The following KCNMA1 variants were observed in gnomAD, a reference collection of about 807,000 sequenced individuals.
KCNMA1 encodes potassium calcium-activated channel subfamily M alpha 1, also known as Calcium-activated potassium channel subunit alpha-1.
KCNMA1 carries 29 observed loss-of-function variants against 140.0 expected under a neutral mutation model. The observed-to-expected ratio is 0.21, with a 90% CI of 0.15 to 0.28. The LOEUF (loss-of-function observed/expected upper bound fraction) is 0.28, where lower values mean the gene tolerates loss of function less well. Ranked by LOEUF, KCNMA1 falls within the 10% of genes least tolerant of loss-of-function variation. The probability of loss-of-function intolerance (pLI) is 1.00; values close to 1 mark genes in which losing one functional copy is unlikely to be tolerated. For synonymous variants in KCNMA1, 612 were observed against 611.9 expected (o/e 1.00, Z 0.00); for missense variants, 880 against 1,602.2 (o/e 0.55, Z 7.70).
At chr10:77,492,859 C>T (rs899573057) in intron 1 of KCNMA1, among the ~76,000 whole-genome samples, 1 of 152,174 alleles carries the variant, frequency 6.6e-6, no homozygotes, top group African/African-American at 2.4e-5. Flanking sequence ...GTATTAGTGC[C>T]TACAATGTGT....
At position 77,251,525 on chromosome 10, in the gene KCNMA1, C is replaced by G. The variant is rs146991178; in HGVS notation, c.541-269G>C. ...GGGTTTTTATCTGACCCTGTTATCT[C>G]GAAGTCCAGCTTCTCTGCAATTGTA... On this transcript the variant is annotated intron_variant, in intron 2 of 27. Transcript: ENST00000286628. Among the ~76,000 whole-genome samples, 377 of 152,172 alleles carry G rather than the reference C, an allele frequency of 2.5e-3. 3 individuals carry two copies. The highest frequency in any genetic ancestry group is 8.7e-3 in the African/African-American group (361 of 41,514).
intron 19 of KCNMA1, among the ~76,000 whole-genome samples, chr10:76,981,573 A>C (rs1190294603): frequency 6.6e-6 from 1 of 152,118 alleles, no homozygotes; most frequent in Non-Finnish European, 1.5e-5. Flanking sequence ...AGACAGAAGA[A>C]GGGGCAGAGG....
chr10:77,233,707 T>A (rs1270605346), intron 3 of KCNMA1, among the ~76,000 whole-genome samples: 1 of 152,202 alleles, frequency 6.6e-6, no homozygotes, highest in Non-Finnish European at 1.5e-5. Context: ...CTGCTGTGAT[T>A]CAAACTGCTG....
intron 5 of KCNMA1, among the ~76,000 whole-genome samples, chr10:77,175,711 GAGA>G (rs1158948828): frequency 6.6e-6 from 1 of 152,190 alleles, no homozygotes; most frequent in Admixed American, 6.5e-5. Flanking sequence ...CCTTAATGGG[GAGA>G]AGGATTACAA....
intron 5 of KCNMA1, among the ~76,000 whole-genome samples, chr10:77,175,048 G>A (rs186111200): frequency 3.3e-5 from 5 of 152,180 alleles, no homozygotes; most frequent in African/African-American, 1.2e-4. Flanking sequence ...TCCAAAACTG[G>A]AGATCACCAG....
intron 3 of KCNMA1, chr10:77,217,336 T>C: frequency 3.7e-6 from 1 of 269,498 alleles, no homozygotes; most frequent in African/African-American, 2.3e-5. Flanking sequence ...AAAAAAAAAC[T>C]AAATTTTTTT....
intron 14 of KCNMA1, among the ~76,000 whole-genome samples, chr10:77,068,176 T>C (rs979787668): frequency 1.3e-5 from 2 of 152,196 alleles, no homozygotes; most frequent in African/African-American, 2.4e-5. Flanking sequence ...ATAATAATAG[T>C]GACAAGTTTG....
At chr10:77,065,110 A>G (rs1447427503) in intron 14 of KCNMA1, among the ~76,000 whole-genome samples, 2 of 152,190 alleles carry the variant, frequency 1.3e-5, no homozygotes, top group Admixed American at 6.5e-5. Flanking sequence ...CAACCGATGC[A>G]TTCATTTACT....
intron 1 of KCNMA1, among the ~76,000 whole-genome samples, chr10:77,562,925 C>T (rs942553007): frequency 6.6e-6 from 1 of 152,218 alleles, no homozygotes; most frequent in East Asian, 1.9e-4. Context: ...TTGATGCTTA[C>T]ACACAATCTT....
intron 1 of KCNMA1, among the ~76,000 whole-genome samples, chr10:77,554,829 T>C (rs1408432300): frequency 6.6e-6 from 1 of 152,034 alleles, no homozygotes; most frequent in Non-Finnish European, 1.5e-5. Context: ...AGTCAACCAT[T>C]ACGGCCCATT....
At chr10:77,433,057 G>A (rs1046817463) in intron 1 of KCNMA1, among the ~76,000 whole-genome samples, 5 of 152,200 alleles carry the variant, frequency 3.3e-5, no homozygotes, top group Admixed American at 2.6e-4. Flanking sequence ...CAGGACTCAG[G>A]AATCAGGCAA....
chr10:77,365,373 G>A (rs1418698074), intron 2 of KCNMA1, among the ~76,000 whole-genome samples: 1 of 152,212 alleles, frequency 6.6e-6, no homozygotes, highest in South Asian at 2.1e-4. Flanking sequence ...CTTCTGAAGA[G>A]GAGGCTTTAG....
rs1238332089 is a variant in KCNMA1 at position 77,209,266 on chromosome 10, G to GA, written c.603-24351dup. Among the ~76,000 whole-genome samples, 20 of 151,642 alleles carry GA rather than the reference G, an allele frequency of 1.3e-4. No individual in the cohort carries two copies. The East Asian group carries it at 2.9e-3, about 22-fold the overall frequency. ...ACCACCCTCTACAATGTCTTCATAGGAAAAAAAATGGTCACACCTGTGACA... is the reference window on the plus strand; with the variant it reads ...ACCACCCTCTACAATGTCTTCATAGGAAAAAAAAATGGTCACACCTGTGACA... On this transcript the variant is annotated intron_variant, in intron 3 of 27. Coordinates refer to ENST00000286628, the MANE Select transcript of KCNMA1 (RefSeq NM_001161352.2).
At chr10:76,949,424 G>C (rs1197345303) in intron 21 of KCNMA1, 58 bp from the exon 22 acceptor site, 16 of 1,339,012 alleles carry the variant, frequency 1.2e-5, no homozygotes, top group Non-Finnish European at 1.6e-5. Context: ...GCTGTTGTAA[G>C]GAGTGAAATA....
intron 1 of KCNMA1, among the ~76,000 whole-genome samples, chr10:77,411,649 A>G (rs1344009243): frequency 6.6e-6 from 1 of 152,218 alleles, no homozygotes; most frequent in African/African-American, 2.4e-5. Flanking sequence ...CAAAGTGCCC[A>G]CGAAAGGTTT....
rs146102707 is a variant in KCNMA1, at chr10:77,229,745, C to CTA, written c.602+21448_602+21449dup. Among the ~76,000 whole-genome samples, 989 of 148,194 alleles carry CTA rather than the reference C, an allele frequency of 6.7e-3. 9 individuals carry two copies. The highest frequency in any genetic ancestry group is 0.018 in the African/African-American group (730 of 40,476). On this transcript the variant is annotated intron_variant, in intron 3 of 27. Coordinates refer to ENST00000286628, the MANE Select transcript of KCNMA1 (RefSeq NM_001161352.2). ...CTGAGACGAACCAAGGGAGTAGTGG[C>CTA]TATATATATATATATATGTACACAC...
At chr10:77,404,165 G>A (rs1443117150) in intron 1 of KCNMA1, 142 bp from the exon 2 acceptor site, 4 of 681,070 alleles carry the variant, frequency 5.9e-6, no homozygotes, top group East Asian at 5.4e-5. Flanking sequence ...AGCAGAAGGG[G>A]TAAATTATGC....
intron 5 of KCNMA1, among the ~76,000 whole-genome samples, chr10:77,152,249 C>T (rs2574807): frequency 0.5 from 73,647 of 148,252 alleles, 18,332 homozygotes; most frequent in East Asian, 0.75. Context: ...CTTCCATAAC[C>T]TCTTGGAGAC....
At chr10:77,589,864 G>A (rs923376173) in intron 1 of KCNMA1, among the ~76,000 whole-genome samples, 1 of 152,102 alleles carries the variant, frequency 6.6e-6, no homozygotes, top group South Asian at 2.1e-4. Context: ...AAGGGGACCC[G>A]GGTTGCCACT....
Sources: allele counts gnomAD v4.1 joint callset (sites outside exome capture counted in the v4.1 genomes callset), GRCh38; gene constraint gnomAD v4.1.1; transcripts MANE v1.5; gene names NCBI Gene and HGNC (gene_info 2026-07-23, HGNC 2026-07-21).